The following RGS6 variants were observed in gnomAD, a reference collection of about 807,000 sequenced individuals.
RGS6 encodes regulator of G-protein signaling 6.
A neutral mutation model predicts 78.5 loss-of-function variants in RGS6; 30 were observed. The observed-to-expected ratio is 0.38, with a 90% CI of 0.29 to 0.52. The LOEUF (loss-of-function observed/expected upper bound fraction) is 0.52, where lower values mean the gene tolerates loss of function less well. Ranked by LOEUF, RGS6 falls within the 20% of genes least tolerant of loss-of-function variation. The pLI, the probability that RGS6 is intolerant of heterozygous loss-of-function variation, is 0.85. For synonymous variants in RGS6, 206 were observed against 206.0 expected (o/e 1.00, Z 0.00); for missense variants, 495 against 609.7 (o/e 0.81, Z 1.98).
intron 2 of RGS6, among the ~76,000 whole-genome samples, chr14:72,126,568 C>T (rs1020453077): frequency 2.0e-5 from 3 of 152,202 alleles, no homozygotes; most frequent in African/African-American, 7.2e-5. Flanking sequence ...ACATTGTGAG[C>T]ATTTTTGTCT....
At chr14:72,151,980 C>G (rs1324172922) in intron 2 of RGS6, among the ~76,000 whole-genome samples, 1 of 152,130 alleles carries the variant, frequency 6.6e-6, no homozygotes, top group African/African-American at 2.4e-5. Flanking sequence ...TAAATATGGG[C>G]TACGTCCTTT....
intron 2 of RGS6, among the ~76,000 whole-genome samples, chr14:72,253,797 A>G (rs928138624): frequency 2.6e-5 from 4 of 152,218 alleles, no homozygotes; most frequent in African/African-American, 7.2e-5. Context: ...TATGCTGGAC[A>G]TTCAGCATAA....
At chr14:72,482,181 A>G (rs765277124) in intron 12 of RGS6, among the ~76,000 whole-genome samples, 9 of 152,204 alleles carry the variant, frequency 5.9e-5, no homozygotes, top group African/African-American at 2.2e-4. Context: ...ATAAAAGGAC[A>G]CTACATTTCA....
At chr14:72,044,887 AC>A (rs962279130) in intron 2 of RGS6, among the ~76,000 whole-genome samples, 11 of 145,636 alleles carry the variant, frequency 7.6e-5, no homozygotes, top group African/African-American at 2.3e-4. Flanking sequence ...AACAAAAAAA[AC>A]CAAACTAACA....
chr14:72,346,844 T>C (rs2078155686), intron 2 of RGS6, among the ~76,000 whole-genome samples: 1 of 152,216 alleles, frequency 6.6e-6, no homozygotes, highest in Admixed American at 6.5e-5. Flanking sequence ...TCCTCACTCC[T>C]CTCGCACACT....
chr14:71,883,090 A>C, the RGS6 span, among the ~76,000 whole-genome samples: 1 of 152,264 alleles, frequency 6.6e-6, no homozygotes, highest in African/African-American at 2.4e-5. Context: ...TGGCCTAAGT[A>C]AACTCTGAAA....
At chr14:72,154,171 T>C (rs756680692) in intron 2 of RGS6, among the ~76,000 whole-genome samples, 21 of 152,210 alleles carry the variant, frequency 1.4e-4, no homozygotes, top group Non-Finnish European at 2.5e-4. Flanking sequence ...AAGAAAAATA[T>C]GTCTCTTTTT....
intron 3 of RGS6, among the ~76,000 whole-genome samples, chr14:72,429,724 C>A (rs938161093): frequency 2.6e-5 from 4 of 152,216 alleles, no homozygotes; most frequent in African/African-American, 9.7e-5. Context: ...GGAAGGCTTG[C>A]AGCAGTGTTA....
chr14:72,302,345 C>T (rs1203762157), intron 2 of RGS6, among the ~76,000 whole-genome samples: 2 of 152,214 alleles, frequency 1.3e-5, no homozygotes, highest in Non-Finnish European at 2.9e-5. Context: ...AGAATGGCTA[C>T]AGTGCCAACT....
chr14:72,445,101 G>A (rs1285366365), intron 3 of RGS6, among the ~76,000 whole-genome samples: 1 of 152,214 alleles, frequency 6.6e-6, no homozygotes, highest in African/African-American at 2.4e-5. Flanking sequence ...CCCAGTGACA[G>A]CCAGTTTTTA....
intron 1 of RGS6, among the ~76,000 whole-genome samples, chr14:71,961,330 G>T (rs1430026314): frequency 6.6e-6 from 1 of 152,186 alleles, no homozygotes; most frequent in Non-Finnish European, 1.5e-5. Context: ...GAACTCTAAG[G>T]TTGCTGGATT....
intron 15 of RGS6, among the ~76,000 whole-genome samples, chr14:72,520,830 C>T (rs1047862291): frequency 6.6e-6 from 1 of 152,138 alleles, no homozygotes; most frequent in Non-Finnish European, 1.5e-5. Flanking sequence ...TGGATTGGGC[C>T]ATCTCTGGCC....
chr14:72,415,103 G>C (rs146816998), intron 3 of RGS6, among the ~76,000 whole-genome samples: 7,017 of 152,344 alleles, frequency 0.046, 424 homozygotes, highest in East Asian at 0.33. Flanking sequence ...AGAGGTTACT[G>C]CTGCCTTTTG....
intron 2 of RGS6, among the ~76,000 whole-genome samples, chr14:72,322,783 A>T (rs370840345): frequency 1.3e-5 from 2 of 152,258 alleles, no homozygotes; most frequent in African/African-American, 2.4e-5. Flanking sequence ...TGTCAAAATT[A>T]AGAATCACTT....
At chr14:72,271,787 C>T (rs2059978146) in intron 2 of RGS6, among the ~76,000 whole-genome samples, 1 of 152,168 alleles carries the variant, frequency 6.6e-6, no homozygotes, top group Non-Finnish European at 1.5e-5. Context: ...GCATTCCTTT[C>T]TGGAGGCTCT....
chr14:72,524,640 A>G (rs1346032163), intron 15 of RGS6, among the ~76,000 whole-genome samples: 1 of 152,210 alleles, frequency 6.6e-6, no homozygotes, highest in Non-Finnish European at 1.5e-5. Context: ...ATGAACATCC[A>G]TTCTCCCATT....
At chr14:72,419,039 G>C (rs78017019) in intron 3 of RGS6, among the ~76,000 whole-genome samples, 2,853 of 152,302 alleles carry the variant, frequency 0.019, 46 homozygotes, top group South Asian at 0.062. Flanking sequence ...GGCTGCCTTG[G>C]ATGCGTTTCC....
the RGS6 span, among the ~76,000 whole-genome samples, chr14:71,882,842 A>G: frequency 1.3e-5 from 2 of 152,224 alleles, no homozygotes; most frequent in African/African-American, 2.4e-5. Context: ...CCAAAAAACT[A>G]TATCATATAG....
chr14:71,874,067 A>G, the RGS6 span, among the ~76,000 whole-genome samples: 3 of 152,158 alleles, frequency 2.0e-5, no homozygotes, highest in Non-Finnish European at 2.9e-5. Flanking sequence ...GTTTGAAGTC[A>G]GGTAGCATGA....
Sources: gnomAD v4.1 joint callset for allele counts (sites outside exome capture counted in the v4.1 genomes callset) on GRCh38, gnomAD v4.1.1 for gene constraint, MANE v1.5 for transcripts, NCBI Gene and HGNC (gene_info 2026-07-23, HGNC 2026-07-21) for gene names.